Variants in THSD7B observed in about 807,000 individuals in gnomAD.
THSD7B encodes thrombospondin type 1 domain containing 7B.
A neutral mutation model predicts 213.6 loss-of-function variants in THSD7B; 138 were observed. That is an observed-to-expected ratio of 0.65 (90% CI 0.56 to 0.74). The LOEUF is 0.74. Ranked by LOEUF, THSD7B falls within the 30% of genes least tolerant of loss-of-function variation. The probability of loss-of-function intolerance (pLI) is 0.00; values close to 1 mark genes in which losing one functional copy is unlikely to be tolerated. For missense variants in THSD7B, 1,931 were observed against 1,991.5 expected (o/e 0.97, Z 0.58); for synonymous variants, 742 against 687.0 (o/e 1.08, Z -1.25).
At chr2:137,675,952 T>C (rs549468535) in intron 27 of THSD7B, among the ~76,000 whole-genome samples, 37 of 152,202 alleles carry the variant, frequency 2.4e-4, no homozygotes, top group Admixed American at 2.0e-4. Flanking sequence ...TAACTTAAGC[T>C]TTTCTCTCCA....
At chr2:136,933,188 C>T (rs1280062630) in intron 2 of THSD7B, among the ~76,000 whole-genome samples, 5 of 143,382 alleles carry the variant, frequency 3.5e-5, no homozygotes, top group South Asian at 2.2e-4. Flanking sequence ...TTGACTGTTT[C>T]GTTTTTCTGT....
In THSD7B at chr2:137,233,018, G is replaced by A. The variant is rs1167657966; in HGVS notation, c.2035G>A (p.Val679Ile). 7 of 1,613,922 alleles carry A rather than the reference G, an allele frequency of 4.3e-6. No individual in the cohort carries two copies. In the South Asian group the frequency reaches 5.5e-5, roughly 13 times the overall value. ...PWGPCSEDTL[V>I]TALNATIGWN... The stretch of plus-strand genomic sequence containing the variant: ...GGGCCCTTGTTCTGAGGACACATTG[G>A]TAACTGCCCTTAATGCAACCATTGG... Residue 679 changes from valine to isoleucine, a missense_variant, in exon 9 of 28, where the codon GTA (valine) becomes ATA (isoleucine). Transcript: ENST00000409968.
chr2:137,010,341 A>G (rs1334021329), intron 2 of THSD7B, among the ~76,000 whole-genome samples: 1 of 152,184 alleles, frequency 6.6e-6, no homozygotes, highest in African/African-American at 2.4e-5. Context: ...TATAAATGTA[A>G]AAGAATCTCA....
At chr2:136,981,024 C>T (rs1002436097) in intron 2 of THSD7B, among the ~76,000 whole-genome samples, 6 of 152,100 alleles carry the variant, frequency 3.9e-5, no homozygotes, top group South Asian at 2.1e-4. Context: ...TCATTGTTCT[C>T]GGTGGAGCCA....
intron 1 of THSD7B, among the ~76,000 whole-genome samples, chr2:136,829,118 A>G (rs1042863444): frequency 6.6e-6 from 1 of 151,436 alleles, no homozygotes; most frequent in Non-Finnish European, 1.5e-5. Flanking sequence ...TTCTAACTAC[A>G]TGGTAAGTTC....
intron 2 of THSD7B, among the ~76,000 whole-genome samples, chr2:136,903,373 A>T (rs1684093212): frequency 6.6e-6 from 1 of 152,154 alleles, no homozygotes; most frequent in Non-Finnish European, 1.5e-5. Flanking sequence ...CATGGTTTTG[A>T]AGGCAATCTT....
At chr2:136,855,710 G>A (rs1336560180) in intron 1 of THSD7B, among the ~76,000 whole-genome samples, 2 of 151,964 alleles carry the variant, frequency 1.3e-5, no homozygotes, top group African/African-American at 4.8e-5. Flanking sequence ...GACCTCAGGT[G>A]ATCTGCCCGC....
chr2:137,227,212 A>G (rs1681526895), intron 7 of THSD7B, among the ~76,000 whole-genome samples: 1 of 152,204 alleles, frequency 6.6e-6, no homozygotes, highest in Non-Finnish European at 1.5e-5. Context: ...GAATTTCATC[A>G]CATTAAATTA....
At chr2:136,843,157 T>C (rs916770610) in intron 1 of THSD7B, among the ~76,000 whole-genome samples, 3 of 150,728 alleles carry the variant, frequency 2.0e-5, no homozygotes, top group African/African-American at 7.3e-5. Flanking sequence ...TTCGTGAAAC[T>C]TAACAGATTT....
rs557097841 is a variant in THSD7B at position 137,008,059 on chromosome 2, A to G, written c.140-48361A>G. Among the ~76,000 whole-genome samples, 138 of 152,292 alleles carry G rather than the reference A, an allele frequency of 9.1e-4. 1 individual carries two copies. Among genetic ancestry groups the G allele is most frequent in the African/African-American group, 3.2e-3 (131 of 41,570 alleles). On this transcript the variant is annotated intron_variant, in intron 2 of 27. Transcript: ENST00000409968. Reference sequence around the variant, plus strand: ...AAGCTATAAGACTTGACAGTTTCATATCTAATCTATTATCTACTAGCAAAG... The same window carrying G: ...AAGCTATAAGACTTGACAGTTTCATGTCTAATCTATTATCTACTAGCAAAG...
At chr2:137,179,586 T>G (rs952847742) in intron 7 of THSD7B, among the ~76,000 whole-genome samples, 27 of 152,066 alleles carry the variant, frequency 1.8e-4, no homozygotes, top group African/African-American at 6.5e-4. Flanking sequence ...AAAAAAAGCC[T>G]TCCTAGAAAG....
At chr2:137,496,860 C>T (rs946732877) in intron 15 of THSD7B, among the ~76,000 whole-genome samples, 4 of 151,966 alleles carry the variant, frequency 2.6e-5, no homozygotes, top group African/African-American at 7.3e-5. Context: ...ATCATGTGCC[C>T]GGTCTTAGAG....
In THSD7B at chr2:137,065,715, AT is replaced by A. The variant is rs558260154; in HGVS notation, c.950+8491del. ...CATATCAGTTATACATATCTTAAAC[AT>A]TTTTTATGGTTTTATTAGAATTTGC... On this transcript the variant is annotated intron_variant, in intron 3 of 27. Transcript: ENST00000409968. 6.4e-3 allele frequency among the ~76,000 whole-genome samples: 980 copies of A among 151,988 alleles called. 11 individuals carry two copies. The highest frequency in any genetic ancestry group is 0.022 in the African/African-American group (932 of 41,472).
chr2:137,644,009 G>A (rs74880147), intron 21 of THSD7B, among the ~76,000 whole-genome samples: 3,044 of 152,294 alleles, frequency 0.02, 60 homozygotes, highest in Non-Finnish European at 0.022. Context: ...GCTGTCAAAT[G>A]TTGAGCTTTT....
At chr2:136,856,293 T>C (rs1389886590) in intron 1 of THSD7B, among the ~76,000 whole-genome samples, 1 of 152,086 alleles carries the variant, frequency 6.6e-6, no homozygotes. Context: ...TTAGGAAAGG[T>C]TGAGGGGTCT....
chr2:136,903,474 TAAGG>T (rs1248406980), intron 2 of THSD7B, among the ~76,000 whole-genome samples: 1 of 152,268 alleles, frequency 6.6e-6, no homozygotes, highest in East Asian at 1.9e-4. Flanking sequence ...TTTTTTTAAT[TAAGG>T]AAGAGAATAA....
chr2:137,157,133 G>A (rs76917260), intron 5 of THSD7B, among the ~76,000 whole-genome samples: 3,251 of 152,280 alleles, frequency 0.021, 122 homozygotes, highest in African/African-American at 0.074. Flanking sequence ...GGTCCACTGT[G>A]CACTGGTCAC....
At chr2:137,549,721 C>G (rs1462949498) in intron 15 of THSD7B, among the ~76,000 whole-genome samples, 2 of 151,996 alleles carry the variant, frequency 1.3e-5, no homozygotes, top group Non-Finnish European at 2.9e-5. Context: ...AACCACCATT[C>G]TATTCTTTGT....
At chr2:137,086,595 C>T (rs1269920221) in intron 3 of THSD7B, among the ~76,000 whole-genome samples, 1 of 152,106 alleles carries the variant, frequency 6.6e-6, no homozygotes, top group Non-Finnish European at 1.5e-5. Context: ...TTTATTTTGC[C>T]ATGTATGGTG....
Sources: gnomAD v4.1 joint callset for allele counts (sites outside exome capture counted in the v4.1 genomes callset) on GRCh38, gnomAD v4.1.1 for gene constraint, MANE v1.5 for transcripts, NCBI Gene and HGNC (gene_info 2026-07-23, HGNC 2026-07-21) for gene names.